Variants in SLC36A1 observed in about 807,000 individuals in gnomAD.
The protein encoded by SLC36A1 is solute carrier family 36 member 1.
A neutral mutation model predicts 47.5 loss-of-function variants in SLC36A1; 30 were observed. The observed-to-expected ratio is 0.63, with a 90% CI of 0.47 to 0.86. SLC36A1 has a LOEUF of 0.86. Among genes scored for constraint, SLC36A1 ranks in the 40% least tolerant of loss-of-function variants. The probability of loss-of-function intolerance (pLI) is 0.00; values close to 1 mark genes in which losing one functional copy is unlikely to be tolerated. For missense variants in SLC36A1, 517 were observed against 606.0 expected (o/e 0.85, Z 1.54); for synonymous variants, 255 against 249.7 (o/e 1.02, Z -0.20).
intron 1 of SLC36A1, among the ~76,000 whole-genome samples, chr5:151,449,660 G>A (rs1032596463): frequency 2.6e-5 from 4 of 152,184 alleles, no homozygotes; most frequent in Non-Finnish European, 5.9e-5. Context: ...GGGACCAATA[G>A]ATGAAAGTGC....
At chr5:151,496,386 A>G (rs925793704), downstream of SLC36A1, among the ~76,000 whole-genome samples, 1 of 152,236 alleles carries the variant, frequency 6.6e-6, no homozygotes. Flanking sequence ...TGTCTTTATC[A>G]GCAGCGCGAA....
At chr5:151,554,352 G>A in the SLC36A1 span, 5 of 1,605,480 alleles carry the variant, frequency 3.1e-6, no homozygotes, top group African/African-American at 5.4e-5. Flanking sequence ...GCTTCCTTCT[G>A]TCTGCTCACC....
chr5:151,367,084 C>A, the SLC36A1 span, among the ~76,000 whole-genome samples: 8 of 151,204 alleles, frequency 5.3e-5, no homozygotes, highest in East Asian at 1.5e-3. Flanking sequence ...TGATAAGGGT[C>A]CAACAAAGAT....
the SLC36A1 span, among the ~76,000 whole-genome samples, chr5:151,392,849 G>A: frequency 0.011 from 1,640 of 152,268 alleles, 69 homozygotes; most frequent in East Asian, 0.14. Flanking sequence ...GAATAAGTGC[G>A]ATGTGGTGCT....
chr5:151,468,266 A>AAAT lies in SLC36A1; in HGVS notation c.723+342_723+343insATA, dbSNP rs55642458. Among the ~76,000 whole-genome samples, 269 of 63,776 alleles carry AAAT rather than the reference A, an allele frequency of 4.2e-3. 7 individuals carry two copies. Among genetic ancestry groups the AAAT allele is most frequent in the Non-Finnish European group, 5.1e-3 (193 of 37,780 alleles). The allele number at this position is 63,776 out of a possible 152,430, so 41.8% of individuals were successfully genotyped here. On this transcript the variant is annotated intron_variant, in intron 7 of 10. Coordinates refer to ENST00000243389, the MANE Select transcript of SLC36A1 (RefSeq NM_078483.4). ...GACTCTGTCTCAAAAAAAAAAAAAAAATATATATATATATATATATATATA... is the reference window on the plus strand; with the variant it reads ...GACTCTGTCTCAAAAAAAAAAAAAAAAATATATATATATATATATATATATATA...
chr5:151,486,735 G>C (rs1759615264), intron 10 of SLC36A1, among the ~76,000 whole-genome samples: 1 of 152,220 alleles, frequency 6.6e-6, no homozygotes, highest in Non-Finnish European at 1.5e-5. Flanking sequence ...GATAAGCTCT[G>C]GATGTCTGTA....
chr5:151,533,378 G>A, the SLC36A1 span, among the ~76,000 whole-genome samples: 12 of 143,040 alleles, frequency 8.4e-5, no homozygotes, highest in African/African-American at 2.5e-4. Context: ...TATTCCACTT[G>A]CACTTGTTAT....
chr5:151,470,062 A>G (rs890567323), intron 7 of SLC36A1, among the ~76,000 whole-genome samples: 5 of 152,128 alleles, frequency 3.3e-5, no homozygotes, highest in African/African-American at 9.7e-5. Context: ...CTGCAGAACT[A>G]TTTTTTTAAA....
intron 1 of SLC36A1, among the ~76,000 whole-genome samples, chr5:151,454,083 ATTTTTTTT>A (rs35097474): frequency 1.1e-5 from 1 of 88,106 alleles, no homozygotes; most frequent in Non-Finnish European, 2.1e-5. Flanking sequence ...GTACACTTAA[ATTTTTTTT>A]TTTTTTTTTT....
intron 2 of SLC36A1, among the ~76,000 whole-genome samples, chr5:151,460,327 G>T (rs545312820): frequency 6.6e-6 from 1 of 152,246 alleles, no homozygotes; most frequent in Admixed American, 6.5e-5. Flanking sequence ...ATGAGGTCTG[G>T]ATTTTTATGT....
At chr5:151,403,044 C>A in the SLC36A1 span, among the ~76,000 whole-genome samples, 2 of 152,060 alleles carry the variant, frequency 1.3e-5, no homozygotes, top group Admixed American at 6.6e-5. Context: ...TTTTCTTCTG[C>A]TAGCTTTGGG....
At chr5:151,455,114 G>T (rs1219831964) in intron 1 of SLC36A1, among the ~76,000 whole-genome samples, 1 of 152,134 alleles carries the variant, frequency 6.6e-6, no homozygotes, top group Non-Finnish European at 1.5e-5. Context: ...ATGTACCCAT[G>T]TGTAACATCT....
At chr5:151,473,572 G>A (rs1256847191) in intron 7 of SLC36A1, 101 bp from the exon 8 acceptor site, 2 of 721,032 alleles carry the variant, frequency 2.8e-6, no homozygotes, top group Non-Finnish European at 4.8e-6. Flanking sequence ...GAGAATCTTG[G>A]ATTTGTTAAA....
At chr5:151,371,132 G>T in the SLC36A1 span, among the ~76,000 whole-genome samples, 1 of 152,058 alleles carries the variant, frequency 6.6e-6, no homozygotes, top group East Asian at 1.9e-4. Flanking sequence ...AGTGTCTCCA[G>T]ACATTGAAAA....
At chr5:151,459,044 G>C in intron 2 of SLC36A1, 109 bp downstream of exon 2, 1 of 1,255,244 alleles carries the variant, frequency 8.0e-7, no homozygotes, top group Admixed American at 2.3e-5. Flanking sequence ...ACAGATGAAG[G>C]TCAGCAGTGA....
At chr5:151,467,177 T>G in intron 5 of SLC36A1, 22 bp from the exon 6 acceptor site, 1 of 1,568,016 alleles carries the variant, frequency 6.4e-7, no homozygotes, top group Non-Finnish European at 8.7e-7. Context: ...AGTCTTTGTA[T>G]TCCTTCCTTC....
At chr5:151,498,269 T>G in the SLC36A1 span, among the ~76,000 whole-genome samples, 1 of 152,078 alleles carries the variant, frequency 6.6e-6, no homozygotes, top group South Asian at 2.1e-4. Context: ...GTCCTTTTAT[T>G]ATGGCCATGG....
the SLC36A1 span, among the ~76,000 whole-genome samples, chr5:151,391,315 G>A: frequency 6.6e-6 from 1 of 152,098 alleles, no homozygotes; most frequent in Non-Finnish European, 1.5e-5. Context: ...AGATGATGGG[G>A]TTTTCTAAAT....
the SLC36A1 span, among the ~76,000 whole-genome samples, chr5:151,537,536 G>T: frequency 1.3e-5 from 2 of 152,108 alleles, no homozygotes; most frequent in Non-Finnish European, 2.9e-5. Flanking sequence ...TTAGCATTCT[G>T]CACTTTTTCT....
Sources: allele counts gnomAD v4.1 joint callset (sites outside exome capture counted in the v4.1 genomes callset), GRCh38; gene constraint gnomAD v4.1.1; transcripts MANE v1.5; gene names NCBI Gene and HGNC (gene_info 2026-07-23, HGNC 2026-07-21).